Variants in RAB6A observed in about 807,000 individuals in gnomAD.
RAB6A encodes ras-related protein Rab-6A.
A neutral mutation model predicts 32.3 loss-of-function variants in RAB6A; 8 were observed. The ratio of observed to expected loss-of-function variants is 0.25; its 90% CI spans 0.15 to 0.45. The LOEUF is 0.45. Ranked by LOEUF, RAB6A falls within the 20% of genes least tolerant of loss-of-function variation. RAB6A has a pLI of 1.00. For synonymous variants in RAB6A, 73 were observed against 82.1 expected (o/e 0.89, Z 0.60); for missense variants, 104 against 249.4 (o/e 0.42, Z 3.93).
chr11:73,754,983 C>T (rs1166234380), intron 1 of RAB6A, among the ~76,000 whole-genome samples: 4 of 151,888 alleles, frequency 2.6e-5, no homozygotes, highest in South Asian at 2.1e-4. Context: ...AGTGCAATGG[C>T]GTGATCTTGG....
chr11:73,718,917 A>T (rs747258009), intron 3 of RAB6A, 199 bp from the exon 4 acceptor site: 60 of 1,561,238 alleles, frequency 3.8e-5, no homozygotes, highest in Middle Eastern at 1.7e-4. Flanking sequence ...AATAAATAAA[A>T]AAAAAAAAAC....
chr11:73,735,687 G>A lies in RAB6A; in HGVS notation c.71-4864C>T, dbSNP rs1421030213. Reference sequence around the variant, plus strand: ...TTATTTATTTTTCCAATCTTATTTGGAAAGAAATAAATTTAAATACGTAAC... The same window carrying A: ...TTATTTATTTTTCCAATCTTATTTGAAAAGAAATAAATTTAAATACGTAAC... On this transcript the variant is annotated intron_variant, in intron 1 of 7. Transcript: ENST00000336083. 2.0e-5 allele frequency among the ~76,000 whole-genome samples: 3 copies of A among 151,892 alleles called. No individual in the cohort carries two copies. The East Asian group carries it at 5.8e-4, about 29-fold the overall frequency.
intron 5 of RAB6A, among the ~76,000 whole-genome samples, chr11:73,714,363 C>T (rs1182016103): frequency 2.0e-5 from 3 of 151,668 alleles, no homozygotes; most frequent in Non-Finnish European, 2.9e-5. Context: ...TACAATTTTT[C>T]TATTTAAAAA....
chr11:73,739,974 G>A (rs929007111), intron 1 of RAB6A, among the ~76,000 whole-genome samples: 11 of 151,498 alleles, frequency 7.3e-5, no homozygotes, highest in Non-Finnish European at 1.3e-4. Context: ...CAGGAGAATC[G>A]CTTGAACCTG....
rs116790291 is a variant in RAB6A, at chr11:73,737,264, C to T, written c.71-6441G>A. Among the ~76,000 whole-genome samples the T allele has an allele frequency of 5.3e-3, 801 of 151,866 alleles. 7 individuals carry two copies. The highest frequency in any genetic ancestry group is 0.018 in the African/African-American group (729 of 41,418). Reference sequence around the variant, plus strand: ...ATCACTTTGGGAGGCTGAGGAGGATCGAGTGAATACAGGAGTTCGAGATCA... The same window carrying T: ...ATCACTTTGGGAGGCTGAGGAGGATTGAGTGAATACAGGAGTTCGAGATCA... On this transcript the variant is annotated intron_variant, in intron 1 of 7. Coordinates refer to ENST00000336083, the MANE Select transcript of RAB6A (RefSeq NM_198896.2).
rs565025835 is a variant in RAB6A, at chr11:73,712,284, A to T, written c.401+3967T>A. The stretch of plus-strand genomic sequence containing the variant: ...CTCCAATCAATTTATTACATAGTTC[A>T]TTTTCCCCAGTGATTTGAGGTACCA... On this transcript the variant is annotated intron_variant, in intron 5 of 7. Transcript: ENST00000336083. Among the ~76,000 whole-genome samples, 3 of 151,650 alleles carry T rather than the reference A, an allele frequency of 2.0e-5. No homozygotes were observed. In the South Asian group the frequency reaches 6.3e-4, roughly 32 times the overall value.
intron 2 of RAB6A, among the ~76,000 whole-genome samples, chr11:73,729,149 A>G (rs146243440): frequency 0.054 from 8,273 of 152,108 alleles, 361 homozygotes; most frequent in East Asian, 0.17. Context: ...CCCAGGCTGG[A>G]ATGCAGTGGT....
At position 73,714,617 on chromosome 11, in the gene RAB6A, G is replaced by A. The variant is rs546133369; in HGVS notation, c.401+1634C>T. ...GCAGAGGTTGCAGTGAGCCGAGATC[G>A]CGCCATGGCACTCCAACCCAGGTGA... On this transcript the variant is annotated intron_variant, in intron 5 of 7. Coordinates refer to ENST00000336083, the MANE Select transcript of RAB6A (RefSeq NM_198896.2). Among the ~76,000 whole-genome samples, 6 of 149,920 alleles carry A rather than the reference G, an allele frequency of 4.0e-5. No homozygotes were observed. In the East Asian group the frequency reaches 9.9e-4, roughly 25 times the overall value.
chr11:73,744,255 G>A lies in RAB6A; in HGVS notation c.71-13432C>T, dbSNP rs1013225630. ...CGGGAGGCTGAGGCAGGAGAATGGCGTGAACTCGGGAGGTGGAGGTTGCAG... is the reference window on the plus strand; with the variant it reads ...CGGGAGGCTGAGGCAGGAGAATGGCATGAACTCGGGAGGTGGAGGTTGCAG... On this transcript the variant is annotated intron_variant, in intron 1 of 7. Coordinates refer to ENST00000336083, the MANE Select transcript of RAB6A (RefSeq NM_198896.2). 5.3e-5 allele frequency among the ~76,000 whole-genome samples: 8 copies of A among 150,310 alleles called. No individual in the cohort carries two copies. In the East Asian group the frequency reaches 5.9e-4, roughly 11 times the overall value.
chr11:73,697,746 C>A (rs970344986), intron 6 of RAB6A, among the ~76,000 whole-genome samples: 1 of 152,326 alleles, frequency 6.6e-6, no homozygotes, highest in East Asian at 1.9e-4. Context: ...CATAATGGCA[C>A]AGACTTAGGT....
At chr11:73,727,687 T>G (rs970997223) in intron 2 of RAB6A, among the ~76,000 whole-genome samples, 4 of 152,232 alleles carry the variant, frequency 2.6e-5, no homozygotes, top group African/African-American at 4.8e-5. Context: ...AGAAGCCATA[T>G]TCCTGAAATA....
Position 73,695,402 on chromosome 11 carries a change from C to T in RAB6A, c.495+12018G>A, listed in dbSNP as rs147305596. 1.4e-3 allele frequency among the ~76,000 whole-genome samples: 213 copies of T among 149,254 alleles called. 2 individuals are homozygous for T. The East Asian group carries it at 0.038, about 27-fold the overall frequency. On this transcript the variant is annotated intron_variant, in intron 6 of 7. Transcript: ENST00000336083. Reference sequence around the variant, plus strand: ...TTGTTTTTTTTTTTCTTTTTTGAGACGGAGTCTCGCTCTGTCACCCAGGCT... The same window carrying T: ...TTGTTTTTTTTTTTCTTTTTTGAGATGGAGTCTCGCTCTGTCACCCAGGCT...
chr11:73,684,245 C>T (rs577162337), intron 6 of RAB6A, among the ~76,000 whole-genome samples: 32 of 151,292 alleles, frequency 2.1e-4, no homozygotes, highest in South Asian at 4.2e-4. Flanking sequence ...CTAGGCTTAC[C>T]GCAACCTCTG....
At chr11:73,724,043 A>C (rs762026507) in intron 2 of RAB6A, among the ~76,000 whole-genome samples, 4 of 152,232 alleles carry the variant, frequency 2.6e-5, no homozygotes, top group Non-Finnish European at 5.9e-5. Flanking sequence ...TTTTTAAAGA[A>C]AAAATTGAAC....
chr11:73,759,981 A>C, intron 1 of RAB6A: 4 of 1,244,140 alleles, frequency 3.2e-6, no homozygotes, highest in African/African-American at 1.5e-5. Context: ...TGTTTCCTCT[A>C]TGGCCCAGAC....
chr11:73,731,991 G>A (rs1448314355), intron 1 of RAB6A, among the ~76,000 whole-genome samples: 5 of 150,954 alleles, frequency 3.3e-5, no homozygotes, highest in African/African-American at 9.7e-5. Flanking sequence ...CGCCCGCCTC[G>A]GCCTCCCAAA....
intron 6 of RAB6A, among the ~76,000 whole-genome samples, chr11:73,695,441 G>A (rs1189162736): frequency 2.6e-5 from 4 of 151,652 alleles, no homozygotes; most frequent in Non-Finnish European, 5.9e-5. Flanking sequence ...ATACAGTGGC[G>A]CAATCTCGGC....
chr11:73,689,816 CTG>C, intron 6 of RAB6A, among the ~76,000 whole-genome samples: 1 of 149,226 alleles, frequency 6.7e-6, no homozygotes, highest in South Asian at 2.2e-4. Context: ...AGAATCTCGA[CTG>C]TGCCTCTGTG....
intron 6 of RAB6A, among the ~76,000 whole-genome samples, chr11:73,683,845 G>A (rs974701222): frequency 2.0e-5 from 3 of 152,146 alleles, no homozygotes; most frequent in South Asian, 2.1e-4. Context: ...GTGCCACTGC[G>A]ACTGGACTGA....
Sources: allele counts gnomAD v4.1 joint callset (sites outside exome capture counted in the v4.1 genomes callset), GRCh38; gene constraint gnomAD v4.1.1; transcripts MANE v1.5; gene names NCBI Gene and HGNC (gene_info 2026-07-23, HGNC 2026-07-21).